The following TTC21B variants were observed in gnomAD, a reference collection of about 807,000 sequenced individuals.
TTC21B encodes tetratricopeptide repeat protein 21B.
Under a neutral mutation model 175.1 loss-of-function variants are expected in TTC21B, and 127 were observed. The observed-to-expected ratio is 0.73, with a 90% CI of 0.63 to 0.84. The LOEUF (loss-of-function observed/expected upper bound fraction) is 0.84, where lower values mean the gene tolerates loss of function less well. TTC21B is among the 40% of genes least tolerant of loss of function. TTC21B has a pLI of 0.00. For missense variants in TTC21B, 1,561 were observed against 1,558.3 expected (o/e 1.00, Z -0.03); for synonymous variants, 524 against 524.5 (o/e 1.00, Z 0.01).
chr2:165,896,425 G>A (rs74642985), intron 22 of TTC21B, among the ~76,000 whole-genome samples: 2,832 of 152,066 alleles, frequency 0.019, 121 homozygotes, highest in Admixed American at 0.099. Flanking sequence ...GAAGGACAAC[G>A]TTTCTGGTCA....
intron 5 of TTC21B, among the ~76,000 whole-genome samples, chr2:165,942,634 T>TAC (rs1032515623): frequency 1.4e-4 from 21 of 152,230 alleles, no homozygotes; most frequent in African/African-American, 4.8e-4. Context: ...CACCTTAGGG[T>TAC]ACCTGAACTC....
At chr2:165,942,362 A>G (rs1687400303) in intron 5 of TTC21B, among the ~76,000 whole-genome samples, 2 of 152,176 alleles carry the variant, frequency 1.3e-5, no homozygotes, top group Admixed American at 1.3e-4. Context: ...AAAGGGTCCT[A>G]CTTAAATATT....
chr2:165,917,097 T>C (rs1686203200), intron 14 of TTC21B, among the ~76,000 whole-genome samples, 160 bp downstream of exon 14: 1 of 152,152 alleles, frequency 6.6e-6, no homozygotes, highest in African/African-American at 2.4e-5. Context: ...CAGGCTGGTC[T>C]CGAACTCCTG....
intron 6 of TTC21B, among the ~76,000 whole-genome samples, chr2:165,934,436 A>G (rs1687035640): frequency 7.2e-6 from 1 of 138,710 alleles, no homozygotes; most frequent in Non-Finnish European, 1.5e-5. Flanking sequence ...CGGGAGGCGG[A>G]GGTTGCAGGG....
At position 165,901,769 on chromosome 2, in the gene TTC21B, T is replaced by C. The variant is rs1427045466; in HGVS notation, c.2710A>G (p.Ile904Val). 2 of 1,614,166 alleles carry C rather than the reference T, an allele frequency of 1.2e-6. No individual in the cohort carries two copies. Among genetic ancestry groups the C allele is most frequent in the East Asian group, 2.2e-5 (1 of 44,864 alleles). The change falls in exon 20 of 29, where the codon ATT becomes GTT. Residue 904 changes from isoleucine (I) to valine (V), a missense_variant. Physicochemically the swap from Ile to Val is conservative, Grantham distance 29. Transcript: ENST00000243344. ...SVAQRDYEKA[I>V]KFYREALVHC... is the part of the protein sequence containing the mutation. ...ACCAGAGCCTCTCTATAAAACTTAA[T>C]TGCTTTTTCATAGTCTCGCTGAGCA...
At chr2:165,929,541 T>C in intron 10 of TTC21B, 109 bp downstream of exon 10, 1 of 900,598 alleles carries the variant, frequency 1.1e-6, no homozygotes, top group Non-Finnish European at 1.8e-6. Flanking sequence ...CATATTAAAA[T>C]TAGTGTACAC....
intron 8 of TTC21B, among the ~76,000 whole-genome samples, 166 bp downstream of exon 8, chr2:165,931,592 T>C (rs1038207059): frequency 1.3e-5 from 2 of 152,118 alleles, no homozygotes; most frequent in African/African-American, 4.8e-5. Context: ...GTTCTTACAG[T>C]TGGAAACCAC....
Position 165,880,744 on chromosome 2 carries a change from T to C in TTC21B, c.3740A>G (p.Tyr1247Cys), listed in dbSNP as rs367841432. ...CTCATAGTTCAAGGCAGCATCTGTA[T>C]ATGCTTGCTCTTTTTCCATAATGTA... is the stretch of plus-strand genomic sequence containing the variant. ...MGYIMEKEQA[Y>C]TDAALNYEMA... Residue 1247 changes from tyrosine (Y) to cysteine (C), a missense_variant, in exon 27 of 29, where the codon TAT (tyrosine) becomes TGT (cysteine). Physicochemically the swap from Tyr to Cys is radical, Grantham distance 194. Transcript: ENST00000243344. 5.0e-6 allele frequency: 8 copies of C among 1,613,236 alleles called. No individual in the cohort carries two copies. The highest frequency in any genetic ancestry group is 5.1e-6 in the Non-Finnish European group (6 of 1,179,668).
intron 26 of TTC21B, among the ~76,000 whole-genome samples, chr2:165,883,287 T>C (rs1684894873): frequency 6.6e-6 from 1 of 152,196 alleles, no homozygotes; most frequent in South Asian, 2.1e-4. Context: ...GACTTTATAA[T>C]ATTCAATTTT....
Position 165,885,216 on chromosome 2 carries a change from A to G in TTC21B, c.3460-1198T>C, listed in dbSNP as rs188627686. Among the ~76,000 whole-genome samples, 483 of 152,326 alleles carry G rather than the reference A, an allele frequency of 3.2e-3. 9 individuals carry two copies. Among genetic ancestry groups the G allele is most frequent in the Admixed American group, 0.03 (461 of 15,290 alleles). On this transcript the variant is annotated intron_variant, in intron 25 of 28. Transcript: ENST00000243344. ...GAACGGTGATACCATTACTATAATA[A>G]AAGTATACTATAAGATAGCAAATTT...
chr2:165,896,859 C>T lies in TTC21B; in HGVS notation c.2950+1827G>A, dbSNP rs116251269. On this transcript the variant is annotated intron_variant, in intron 22 of 28. Transcript: ENST00000243344. ...CATTTCCCACCTTCTTTTGCAGCCA[C>T]GGAGGTGATACTACTAAGGGTTTTT... Among the ~76,000 whole-genome samples, 1,096 of 152,264 alleles carry T rather than the reference C, an allele frequency of 7.2e-3. 16 individuals carry two copies. Among genetic ancestry groups the T allele is most frequent in the African/African-American group, 0.025 (1,037 of 41,544 alleles).
intron 22 of TTC21B, 134 bp from the exon 23 acceptor site, chr2:165,891,122 G>T: frequency 1.3e-6 from 1 of 791,116 alleles, no homozygotes; most frequent in Non-Finnish European, 2.0e-6. Context: ...ATGCCTCAGG[G>T]TATAATTCCC....
At chr2:165,893,096 C>T (rs894748204) in intron 22 of TTC21B, among the ~76,000 whole-genome samples, 4 of 152,058 alleles carry the variant, frequency 2.6e-5, no homozygotes, top group African/African-American at 9.7e-5. Context: ...AAATATTGGT[C>T]TTGTCCTTTA....
At chr2:165,934,905 C>T (rs922534345) in intron 6 of TTC21B, 2 of 152,150 alleles carry the variant, frequency 1.3e-5, no homozygotes, top group African/African-American at 4.8e-5. Flanking sequence ...GGAGAGACTA[C>T]AATTTGTCTC....
chr2:165,928,455 G>A (rs1045449238), intron 11 of TTC21B, among the ~76,000 whole-genome samples: 6 of 152,158 alleles, frequency 3.9e-5, no homozygotes, highest in East Asian at 1.9e-4. Context: ...TCAAATCCAC[G>A]TTTGGAATAG....
At position 165,941,161 on chromosome 2, in the gene TTC21B, C is replaced by T. The variant is rs762917784; in HGVS notation, c.576G>A (p.Gln192=). 4.2e-5 allele frequency: 68 copies of T among 1,613,804 alleles called. No homozygotes were observed. The highest frequency in any genetic ancestry group is 5.8e-5 in the Non-Finnish European group (68 of 1,179,856). ...CAGTCTCCAGGGCACCTGAATAATT[C>T]TGGCGCATCTCAAGGCATTGTGCCT... ...LGKAQCLEMR[Q]NYSGALETVN... The change falls in exon 6 of 29, where the codon CAG becomes CAA. Residue 192 remains glutamine, a synonymous_variant. Transcript: ENST00000243344.
At chr2:165,876,584 T>A (rs1387033052) in intron 27 of TTC21B, among the ~76,000 whole-genome samples, 1 of 152,194 alleles carries the variant, frequency 6.6e-6, no homozygotes, top group Non-Finnish European at 1.5e-5. Flanking sequence ...ACACAGCCAT[T>A]CATTTATACA....
rs73018799 is a variant in TTC21B at position 165,901,737 on chromosome 2, G to A, written c.2742C>T (p.Cys914=). The change falls in exon 20 of 29, where the codon TGC becomes TGT. Residue 914 remains cysteine (C), a synonymous_variant. Transcript: ENST00000243344. ...IKFYREALVH[C]ETDNKIMLEL... The stretch of plus-strand genomic sequence containing the variant: ...AGGTACTGACCTTATTATCTGTTTC[G>A]CAGTGAACCAGAGCCTCTCTATAAA... 3,013 of 1,613,642 alleles carry A rather than the reference G, an allele frequency of 1.9e-3. 56 individuals carry two copies. The African/African-American group carries it at 0.034, about 18-fold the overall frequency.
In TTC21B at chr2:165,907,760, T is replaced by C. The variant is rs1300982688; in HGVS notation, c.2486A>G (p.Glu829Gly). 1 of 1,612,628 alleles carries C rather than the reference T, an allele frequency of 6.2e-7. No individual in the cohort carries two copies. The change falls in exon 19 of 29, where the codon GAG becomes GGG. Residue 829 changes from glutamate to glycine, a missense_variant. Coordinates refer to ENST00000243344, the MANE Select transcript of TTC21B (RefSeq NM_024753.5). Reference protein sequence around the residue: ...EPVNELSALMEDGRCQVLLAK... With the variant: ...EPVNELSALMGDGRCQVLLAK... ...TAGAAGAACTTGACAACGTCCATCC[T>C]CCATGAGAGCTGACAGTTCATTTAC...
Sources: allele counts gnomAD v4.1 joint callset (sites outside exome capture counted in the v4.1 genomes callset), GRCh38; gene constraint gnomAD v4.1.1; transcripts MANE v1.5; gene names NCBI Gene and HGNC (gene_info 2026-07-23, HGNC 2026-07-21).